Variants in DAB1 observed in about 807,000 individuals in gnomAD.
DAB1 encodes the protein DAB adaptor protein 1.
Under a neutral mutation model 64.6 loss-of-function variants are expected in DAB1, and 15 were observed. The ratio of observed to expected loss-of-function variants is 0.23; its 90% confidence interval spans 0.16 to 0.36. The LOEUF (loss-of-function observed/expected upper bound fraction) is 0.36, where lower values mean the gene tolerates loss of function less well. Ranked by LOEUF, DAB1 falls within the 10% of genes least tolerant of loss-of-function variation. The pLI is 1.00. For missense variants in DAB1, 596 were observed against 706.7 expected (o/e 0.84, Z 1.78); for synonymous variants, 235 against 251.9 (o/e 0.93, Z 0.64).
chr1:58,068,294 C>T (rs753157582), intron 5 of DAB1, among the ~76,000 whole-genome samples: 2 of 152,192 alleles, frequency 1.3e-5, no homozygotes, highest in Non-Finnish European at 1.5e-5. Flanking sequence ...AGGTAGGAGG[C>T]TTCTATAATG....
intron 5 of DAB1, among the ~76,000 whole-genome samples, chr1:57,927,175 TC>T (rs1392559366): frequency 4.6e-5 from 7 of 152,210 alleles, no homozygotes. Context: ...ACAGTTTCCT[TC>T]TTGTACACAA....
chr1:57,943,786 T>C (rs1311644455), intron 5 of DAB1, among the ~76,000 whole-genome samples: 2 of 152,114 alleles, frequency 1.3e-5, no homozygotes, highest in African/African-American at 2.4e-5. Flanking sequence ...ACCATACTCA[T>C]ACCCGAGATT....
chr1:57,706,093 T>C (rs1386570396), intron 6 of DAB1, among the ~76,000 whole-genome samples: 5 of 152,140 alleles, frequency 3.3e-5, no homozygotes, highest in African/African-American at 1.2e-4. Context: ...GTTACAAAAA[T>C]AGTACAGAAG....
At chr1:57,671,499 T>C (rs1276998592) in intron 6 of DAB1, among the ~76,000 whole-genome samples, 1 of 152,114 alleles carries the variant, frequency 6.6e-6, no homozygotes, top group African/African-American at 2.4e-5. Context: ...ATATATAGCA[T>C]ATAAAATCAA....
At chr1:57,590,564 C>T (rs1318721141) in intron 7 of DAB1, among the ~76,000 whole-genome samples, 1 of 151,924 alleles carries the variant, frequency 6.6e-6, no homozygotes, top group African/African-American at 2.4e-5. Context: ...ATCTCTTAAC[C>T]TCGTGATCTG....
chr1:58,138,278 C>T (rs890747583), intron 5 of DAB1, among the ~76,000 whole-genome samples: 1 of 152,082 alleles, frequency 6.6e-6, no homozygotes, highest in African/African-American at 2.4e-5. Flanking sequence ...AGTAGCAGAA[C>T]CAAGATTTTA....
exon 3 of DAB1, chr1:58,506,084 C>T (rs553188908): frequency 7.0e-5 from 61 of 871,474 alleles, no homozygotes; most frequent in South Asian, 6.0e-4. Context: ...TATCCAAGTA[C>T]TCAACTCGAT....
chr1:57,321,535 G>A (rs150451289), intron 1 of DAB1, among the ~76,000 whole-genome samples: 6 of 152,240 alleles, frequency 3.9e-5, no homozygotes, highest in African/African-American at 9.6e-5. Context: ...ATACATGGGC[G>A]TGTAAAGGTC....
intron 3 of DAB1, among the ~76,000 whole-genome samples, chr1:58,355,499 C>T (rs1644101508): frequency 6.6e-6 from 1 of 152,002 alleles, no homozygotes; most frequent in Admixed American, 6.6e-5. Flanking sequence ...AATAACAAGC[C>T]TGGCAGACCT....
intron 5 of DAB1, among the ~76,000 whole-genome samples, chr1:58,062,290 G>A (rs1041481408): frequency 6.6e-6 from 1 of 152,178 alleles, no homozygotes; most frequent in African/African-American, 2.4e-5. Context: ...GAAAGCTACA[G>A]GGCTTGGTAG....
In DAB1 at chr1:57,224,481, G is replaced by A. The variant is rs943326145; in HGVS notation, c.67+66483C>T. On this transcript the variant is annotated intron_variant, in intron 2 of 14. Coordinates refer to ENST00000371236, the MANE Select transcript of DAB1 (RefSeq NM_001365792.1). ...TTTCTTCAAGAGGAAGAACCATCCT[G>A]ACTGAGCCAAGATGCTGCTCTCTAA... is the stretch of plus-strand genomic sequence containing the variant. Among the ~76,000 whole-genome samples the A allele has an allele frequency of 4.6e-5, 7 of 152,178 alleles. No homozygotes were observed. The South Asian group carries it at 1.2e-3, about 27-fold the overall frequency.
chr1:57,689,993 T>G (rs1646744772), intron 6 of DAB1, among the ~76,000 whole-genome samples: 1 of 152,194 alleles, frequency 6.6e-6, no homozygotes, highest in South Asian at 2.1e-4. Flanking sequence ...CACAAGTAAG[T>G]GATAACACAT....
At chr1:57,968,594 G>GA (rs1410835017) in intron 5 of DAB1, among the ~76,000 whole-genome samples, 1 of 152,224 alleles carries the variant, frequency 6.6e-6, no homozygotes, top group African/African-American at 2.4e-5. Flanking sequence ...ACAGATGCAT[G>GA]AGTCAGTAGA....
At chr1:57,584,917 C>T (rs1645358960) in intron 7 of DAB1, among the ~76,000 whole-genome samples, 1 of 147,968 alleles carries the variant, frequency 6.8e-6, no homozygotes, top group Non-Finnish European at 1.5e-5. Flanking sequence ...TTCTTCCTCA[C>T]TGGAAGCAAA....
chr1:58,019,593 T>G (rs144573951), intron 5 of DAB1, among the ~76,000 whole-genome samples: 1,565 of 152,336 alleles, frequency 0.01, 14 homozygotes, highest in Middle Eastern at 0.027. Flanking sequence ...AAAAATGCAT[T>G]GCTTTCCTCA....
chr1:57,429,070 T>G (rs951308427), intron 7 of DAB1, among the ~76,000 whole-genome samples: 3 of 152,062 alleles, frequency 2.0e-5, no homozygotes, highest in African/African-American at 7.2e-5. Flanking sequence ...AGTGCCACCA[T>G]GCCAGGCTAA....
intron 5 of DAB1, among the ~76,000 whole-genome samples, chr1:58,003,437 C>T (rs1008931038): frequency 2.0e-5 from 3 of 152,176 alleles, no homozygotes; most frequent in Non-Finnish European, 4.4e-5. Flanking sequence ...GACAATTCTT[C>T]AGTTAGCCAA....
At chr1:57,089,631 T>C (rs1389198469) in intron 4 of DAB1, among the ~76,000 whole-genome samples, 1 of 152,094 alleles carries the variant, frequency 6.6e-6, no homozygotes, top group Non-Finnish European at 1.5e-5. Flanking sequence ...AGAAATTACT[T>C]ACTATCACAA....
At chr1:58,199,876 G>T (rs1195204932) in intron 4 of DAB1, among the ~76,000 whole-genome samples, 1 of 152,174 alleles carries the variant, frequency 6.6e-6, no homozygotes, top group African/African-American at 2.4e-5. Flanking sequence ...ACTCAGTCAT[G>T]CACGGACCCA....
Sources: allele counts gnomAD v4.1 joint callset (sites outside exome capture counted in the v4.1 genomes callset), GRCh38; gene constraint gnomAD v4.1.1; transcripts MANE v1.5; gene names NCBI Gene and HGNC (gene_info 2026-07-23, HGNC 2026-07-21).